The following PRKAR1B variants were observed in gnomAD, a reference collection of about 807,000 sequenced individuals.
The protein encoded by PRKAR1B is cAMP-dependent protein kinase type I-beta regulatory subunit.
Under a neutral mutation model 46.5 loss-of-function variants are expected in PRKAR1B, and 22 were observed. The observed-to-expected ratio is 0.47, with a 90% CI of 0.34 to 0.68. The LOEUF (loss-of-function observed/expected upper bound fraction) is 0.68. Among genes scored for constraint, PRKAR1B ranks in the 30% least tolerant of loss-of-function variants. PRKAR1B has a pLI of 0.01. For missense variants in PRKAR1B, 445 were observed against 535.6 expected (o/e 0.83, Z 1.67); for synonymous variants, 259 against 217.7 (o/e 1.19, Z -1.67).
At chr7:705,156 G>T (rs538015644) in intron 2 of PRKAR1B, among the ~76,000 whole-genome samples, 4 of 151,800 alleles carry the variant, frequency 2.6e-5, no homozygotes, top group Non-Finnish European at 5.9e-5. Flanking sequence ...GCTAGGCATG[G>T]TGGCACATGC....
chr7:672,461 C>T (rs1786313925), intron 4 of PRKAR1B, among the ~76,000 whole-genome samples: 1 of 152,040 alleles, frequency 6.6e-6, no homozygotes, highest in African/African-American at 2.4e-5. Flanking sequence ...CTTGTTGAAC[C>T]AATTTTGAAT....
At chr7:694,243 C>G (rs1434665835) in intron 2 of PRKAR1B, among the ~76,000 whole-genome samples, 1 of 152,124 alleles carries the variant, frequency 6.6e-6, no homozygotes, top group African/African-American at 2.4e-5. Context: ...TGAAATCGCA[C>G]CACTGCACTC....
In PRKAR1B at chr7:685,394, A is replaced by ACG. The variant is rs1331599117; in HGVS notation, c.178-4669_178-4668insCG. On this transcript the variant is annotated intron_variant, in intron 2 of 10. Coordinates refer to ENST00000537384, the MANE Select transcript of PRKAR1B (RefSeq NM_001164760.2). ...TATATATATATACATACATATATAT[A>ACG]TATATATGTATATATATACCAAAAA... is the stretch of plus-strand genomic sequence containing the variant. Among the ~76,000 whole-genome samples the ACG allele has an allele frequency of 1.7e-5, 2 of 119,300 alleles. 1 individual carries two copies. Among genetic ancestry groups the ACG allele is most frequent in the Non-Finnish European group, 3.5e-5 (2 of 57,856 alleles). 78.3% of individuals were successfully genotyped at this position (119,300 alleles called of 152,430 possible). A position where few individuals can be genotyped will look rare whatever the true frequency, so the allele number is the denominator to read the frequency against.
intron 9 of PRKAR1B, among the ~76,000 whole-genome samples, chr7:577,041 C>T (rs776803648): frequency 1.0e-4 from 14 of 138,784 alleles, no homozygotes; most frequent in Middle Eastern, 3.8e-3. Flanking sequence ...TCAGCGGCCC[C>T]GTCCAACTCC....
chr7:620,187 A>G (rs1783038785), intron 4 of PRKAR1B, among the ~76,000 whole-genome samples: 1 of 152,130 alleles, frequency 6.6e-6, no homozygotes, highest in South Asian at 2.1e-4. Context: ...ACTGCCTCAC[A>G]ATATTCCAGC....
chr7:611,955 G>C (rs1246237339), intron 4 of PRKAR1B, among the ~76,000 whole-genome samples: 2 of 151,022 alleles, frequency 1.3e-5, no homozygotes, highest in Non-Finnish European at 3.0e-5. Context: ...GGATGAACAG[G>C]TGGGTGAGTA....
chr7:607,320 T>G, intron 5 of PRKAR1B, 71 bp downstream of exon 5: 1 of 1,451,272 alleles, frequency 6.9e-7, no homozygotes, highest in East Asian at 2.3e-5. Flanking sequence ...GCCCTTATGC[T>G]ATTTTTTTTT....
intron 4 of PRKAR1B, among the ~76,000 whole-genome samples, chr7:672,262 C>T (rs1288917242): frequency 1.3e-5 from 2 of 152,014 alleles, no homozygotes; most frequent in Non-Finnish European, 2.9e-5. Flanking sequence ...GCAATTCTCC[C>T]GCCTCAGTCT....
intron 4 of PRKAR1B, among the ~76,000 whole-genome samples, chr7:661,470 C>T (rs562135610): frequency 3.8e-5 from 4 of 105,186 alleles, no homozygotes; most frequent in African/African-American, 1.6e-4. Flanking sequence ...TGGCACAGTT[C>T]CCCACCACAA....
chr7:712,242 G>T (rs1463320361), intron 1 of PRKAR1B, among the ~76,000 whole-genome samples: 1 of 132,634 alleles, frequency 7.5e-6, no homozygotes, highest in African/African-American at 2.8e-5. Flanking sequence ...CCCCAAACCC[G>T]GCCTCAGCGC....
At chr7:580,155 C>A (rs113933416) in intron 8 of PRKAR1B, among the ~76,000 whole-genome samples, 1 of 149,354 alleles carries the variant, frequency 6.7e-6, no homozygotes, top group East Asian at 2.0e-4. Context: ...CACTTGAGCG[C>A]GGGAGGTCGC....
In PRKAR1B at chr7:709,108, TAAAAAAAA is replaced by T. The variant is rs67191707; in HGVS notation, c.177+2213_177+2220del. ...ACCCACCAGCCCCAATATTTAATACTAAAAAAAAAAAAAAAAAAAAAAAAAAAGGAAAC... is the reference window on the plus strand; with the variant it reads ...ACCCACCAGCCCCAATATTTAATACTAAAAAAAAAAAAAAAAAAAGGAAAC... On this transcript the variant is annotated intron_variant, in intron 2 of 10. Coordinates refer to ENST00000537384, the MANE Select transcript of PRKAR1B (RefSeq NM_001164760.2). 8.7e-3 allele frequency among the ~76,000 whole-genome samples: 610 copies of T among 70,252 alleles called. 6 individuals are homozygous for T. Among genetic ancestry groups the T allele is most frequent in the African/African-American group, 0.034 (579 of 16,980 alleles). 46.1% of individuals were successfully genotyped at this position (70,252 alleles called of 152,430 possible). A position where few individuals can be genotyped will look rare whatever the true frequency, so the allele number is the denominator to read the frequency against.
chr7:605,266 A>C (rs1781949936), intron 6 of PRKAR1B, among the ~76,000 whole-genome samples: 1 of 152,222 alleles, frequency 6.6e-6, no homozygotes. Context: ...CTCGGGCCTG[A>C]TTCAAAGGGA....
intron 6 of PRKAR1B, among the ~76,000 whole-genome samples, chr7:604,196 T>C (rs1329336586): frequency 6.6e-6 from 1 of 152,216 alleles, no homozygotes; most frequent in Non-Finnish European, 1.5e-5. Flanking sequence ...CCCAAGACGA[T>C]GCCCGGCTGG....
chr7:658,436 GA>G (rs1461650346), intron 4 of PRKAR1B, among the ~76,000 whole-genome samples: 1 of 151,858 alleles, frequency 6.6e-6, no homozygotes, highest in East Asian at 1.9e-4. Flanking sequence ...CCTTGTCTCA[GA>G]AAAAAACAAA....
intron 9 of PRKAR1B, among the ~76,000 whole-genome samples, chr7:572,857 T>C (rs1205394810): frequency 2.0e-5 from 3 of 152,184 alleles, no homozygotes; most frequent in Non-Finnish European, 4.4e-5. Context: ...AACAATGTGC[T>C]TTAGAAACTG....
intron 9 of PRKAR1B, among the ~76,000 whole-genome samples, chr7:558,230 G>A (rs1326215931): frequency 1.3e-5 from 2 of 151,418 alleles, no homozygotes; most frequent in Admixed American, 6.6e-5. Flanking sequence ...GGAGGCTGAG[G>A]TGCGAGGATC....
rs747243958 is a variant in PRKAR1B at position 683,888 on chromosome 7, C to A, written c.178-3162G>T. ...CAATCACAGCCAAGGGCAGTTTCCC[C>A]AGAGGCCCCCACTTCTTCTGCAGCT... On this transcript the variant is annotated intron_variant, in intron 2 of 10. Coordinates refer to ENST00000537384, the MANE Select transcript of PRKAR1B (RefSeq NM_001164760.2). Among the ~76,000 whole-genome samples the A allele has an allele frequency of 6.6e-5, 10 of 152,388 alleles. No individual in the cohort carries two copies. The East Asian group carries it at 1.7e-3, about 26-fold the overall frequency.
chr7:703,169 G>A (rs535461839), intron 2 of PRKAR1B, among the ~76,000 whole-genome samples: 4 of 152,124 alleles, frequency 2.6e-5, no homozygotes, highest in South Asian at 2.1e-4. Context: ...GAGAAACATC[G>A]AATAATGATA....
Sources: allele counts gnomAD v4.1 joint callset (sites outside exome capture counted in the v4.1 genomes callset), GRCh38; gene constraint gnomAD v4.1.1; transcripts MANE v1.5; gene names NCBI Gene and HGNC (gene_info 2026-07-23, HGNC 2026-07-21).